SYNE1: variants seen among roughly 807,000 people sequenced by gnomAD.
SYNE1 encodes nesprin-1.
A neutral mutation model predicts 1,111.0 loss-of-function variants in SYNE1; 616 were observed. That is an observed-to-expected ratio of 0.55 (90% CI 0.52 to 0.59). SYNE1 has a LOEUF of 0.59. Ranked by LOEUF, SYNE1 falls within the 20% of genes least tolerant of loss-of-function variation. The pLI is 0.00. For missense variants in SYNE1, 10,006 were observed against 10,417.0 expected, an observed-to-expected ratio of 0.96 and a Z score of 1.72; for synonymous variants, 3,855 against 3,825.8, an observed-to-expected ratio of 1.01 and a Z score of -0.28.
chr6:152,208,859 G>A (rs551980808), intron 124 of SYNE1, among the ~76,000 whole-genome samples: 3 of 152,244 alleles, frequency 2.0e-5, no homozygotes, highest in Admixed American at 1.3e-4. Context: ...ATCATAGTCT[G>A]TATAAATGTC....
intron 135 of SYNE1, among the ~76,000 whole-genome samples, chr6:152,150,031 C>T (rs2060139766): frequency 6.6e-6 from 1 of 152,310 alleles, no homozygotes; most frequent in Non-Finnish European, 1.5e-5. Flanking sequence ...TATACTGTCA[C>T]TGAAATAAAT....
At position 152,416,755 on chromosome 6, in the gene SYNE1, G is replaced by A; in HGVS notation, c.5682C>T (p.Thr1894=). The A allele has an allele frequency of 6.2e-7, 1 of 1,614,194 alleles. No homozygotes were observed. The highest frequency in any genetic ancestry group is 8.5e-7 in the Non-Finnish European group (1 of 1,180,042). The change falls in exon 41 of 146, where the codon ACC becomes ACT. Residue 1894 remains threonine, a synonymous_variant. Coordinates refer to ENST00000367255, the MANE Select transcript of SYNE1 (RefSeq NM_182961.4). ...LRQLRQTVEA[T]NSMNKNESDL... ...CAGACTCGTTCTTATTCATACTGTT[G>A]GTTGCTTCCACTGTTTGCCTCAGCT...
intron 64 of SYNE1, among the ~76,000 whole-genome samples, chr6:152,360,872 T>C (rs2096919636): frequency 6.6e-6 from 1 of 152,220 alleles, no homozygotes; most frequent in Admixed American, 6.5e-5. Context: ...TTTAAATAAC[T>C]TTTATTCAGC....
chr6:152,324,655 G>A (rs1163965999), intron 81 of SYNE1, among the ~76,000 whole-genome samples: 8 of 152,142 alleles, frequency 5.3e-5, no homozygotes, highest in South Asian at 2.1e-4. Context: ...TTGGCCAGGC[G>A]TGGTGGCGGG....
At chr6:152,298,819 T>C (rs148112149) in intron 93 of SYNE1, among the ~76,000 whole-genome samples, 201 of 152,258 alleles carry the variant, frequency 1.3e-3, no homozygotes, top group Non-Finnish European at 2.4e-3. Flanking sequence ...AATGATGGGG[T>C]TGATTTGTTT....
At chr6:152,221,892 T>C (rs1313852786) in intron 117 of SYNE1, among the ~76,000 whole-genome samples, 1 of 152,150 alleles carries the variant, frequency 6.6e-6, no homozygotes, top group Non-Finnish European at 1.5e-5. Flanking sequence ...AGGGTTTAAT[T>C]GTGTAATGTC....
intron 124 of SYNE1, among the ~76,000 whole-genome samples, chr6:152,210,214 A>G (rs1483871080): frequency 6.6e-6 from 1 of 152,010 alleles, no homozygotes; most frequent in Non-Finnish European, 1.5e-5. Flanking sequence ...AAAATTCTTT[A>G]CCCTCAAGTC....
At chr6:152,616,075 G>A (rs1192716229) in intron 3 of SYNE1, among the ~76,000 whole-genome samples, 2 of 152,138 alleles carry the variant, frequency 1.3e-5, no homozygotes, top group Admixed American at 6.5e-5. Context: ...TTTTTGGTGG[G>A]AAACTTGATA....
intron 3 of SYNE1, among the ~76,000 whole-genome samples, chr6:152,601,634 C>T (rs1271320971): frequency 6.6e-6 from 1 of 152,080 alleles, no homozygotes; most frequent in African/African-American, 2.4e-5. Context: ...CAGGAGGAGC[C>T]CTTAAACACC....
intron 49 of SYNE1, among the ~76,000 whole-genome samples, chr6:152,397,347 C>A (rs980677017): frequency 1.3e-5 from 2 of 152,174 alleles, no homozygotes; most frequent in Admixed American, 1.3e-4. Context: ...CCTGATCCAC[C>A]CTGCATGCGA....
At chr6:152,383,645 A>G (rs1265784929) in intron 55 of SYNE1, among the ~76,000 whole-genome samples, 1 of 152,148 alleles carries the variant, frequency 6.6e-6, no homozygotes, top group Non-Finnish European at 1.5e-5. Flanking sequence ...AAATATTGGT[A>G]GTACCCAGCT....
At position 152,316,871 on chromosome 6, in the gene SYNE1, C is replaced by T. The variant is rs756287442; in HGVS notation, c.16688G>A (p.Arg5563Gln). 10 of 1,614,032 alleles carry T rather than the reference C, an allele frequency of 6.2e-6. No homozygotes were observed. The highest frequency in any genetic ancestry group is 2.2e-5 in the East Asian group (1 of 44,868). ...TACCTGATGCAAAATATATTGTTCCCGAAGCTGGCTTGCAGAATTCCATGC... is the reference window on the plus strand; with the variant it reads ...TACCTGATGCAAAATATATTGTTCCTGAAGCTGGCTTGCAGAATTCCATGC... ...TIAWNSASQL[R>Q]EQYILHQTLL... The change falls in exon 87 of 146, where the codon CGG becomes CAG. Residue 5563 changes from arginine (R) to glutamine (Q), a missense_variant. Coordinates refer to ENST00000367255, the MANE Select transcript of SYNE1 (RefSeq NM_182961.4).
In SYNE1 at chr6:152,391,397, G is replaced by A. The variant is rs760874810; in HGVS notation, c.7884C>T (p.Ala2628=). 1 of 1,613,870 alleles carries A rather than the reference G, an allele frequency of 6.2e-7. No individual in the cohort carries two copies. Residue 2628 remains alanine, a synonymous_variant, in exon 52 of 146, where the codon GCC becomes GCT. Coordinates refer to ENST00000367255, the MANE Select transcript of SYNE1 (RefSeq NM_182961.4). The part of the protein sequence containing the change: ...SCQVALQEHE[A]LEEALQSMWF... The stretch of plus-strand genomic sequence containing the variant: ...ACATGCTTTGCAGTGCTTCCTCCAG[G>A]GCTTCGTGCTCCTGAAGGGCCACCT...
At chr6:152,184,439 A>C (rs1233132716) in intron 128 of SYNE1, among the ~76,000 whole-genome samples, 2 of 1,686 alleles carry the variant, frequency 1.2e-3, no homozygotes, top group South Asian at 0.053. Context: ...CTCTGTTTCA[A>C]AAAAAAAAAA....
chr6:152,522,336 G>A (rs377674654), intron 5 of SYNE1, among the ~76,000 whole-genome samples: 7 of 151,970 alleles, frequency 4.6e-5, no homozygotes, highest in East Asian at 1.9e-4. Flanking sequence ...GAATTACTTC[G>A]CTTAGAATAA....
At chr6:152,512,820 A>G (rs1001803427) in intron 6 of SYNE1, among the ~76,000 whole-genome samples, 3 of 152,202 alleles carry the variant, frequency 2.0e-5, no homozygotes, top group Non-Finnish European at 4.4e-5. Context: ...GCAAAATCCT[A>G]TTGAACTTAC....
At chr6:152,550,740 T>G (rs950400778) in intron 3 of SYNE1, among the ~76,000 whole-genome samples, 2 of 152,142 alleles carry the variant, frequency 1.3e-5, no homozygotes, top group African/African-American at 4.8e-5. Flanking sequence ...TCTGCAGAAA[T>G]ATCAACGTCT....
intron 3 of SYNE1, among the ~76,000 whole-genome samples, chr6:152,544,585 A>G (rs1216140298): frequency 6.6e-6 from 1 of 151,814 alleles, no homozygotes; most frequent in African/African-American, 2.4e-5. Flanking sequence ...CAATTTCTGC[A>G]TTTCTTTGCC....
intron 32 of SYNE1, among the ~76,000 whole-genome samples, chr6:152,437,472 G>GT (rs2059446209): frequency 1.3e-5 from 2 of 152,146 alleles, no homozygotes; most frequent in South Asian, 2.1e-4. Flanking sequence ...ACTGATTATT[G>GT]TTTTTTATGT....
Sources: allele counts gnomAD v4.1 joint callset (sites outside exome capture counted in the v4.1 genomes callset), GRCh38; gene constraint gnomAD v4.1.1; transcripts MANE v1.5; gene names NCBI Gene and HGNC (gene_info 2026-07-23, HGNC 2026-07-21).